The following PTPN13 variants were observed in gnomAD, a reference collection of about 807,000 sequenced individuals.
PTPN13 encodes protein tyrosine phosphatase non-receptor type 13.
A neutral mutation model predicts 284.0 loss-of-function variants in PTPN13; 191 were observed. The observed-to-expected ratio is 0.67, with a 90% confidence interval of 0.60 to 0.76. The LOEUF (loss-of-function observed/expected upper bound fraction) is 0.76, where lower values mean the gene tolerates loss of function less well. Among genes scored for constraint, PTPN13 ranks in the 30% least tolerant of loss-of-function variants. The probability of loss-of-function intolerance (pLI) is 0.00; values close to 1 mark genes in which losing one functional copy is unlikely to be tolerated. For synonymous variants in PTPN13, 986 were observed against 1,022.3 expected (o/e 0.96, Z 0.68); for missense variants, 2,797 against 2,939.9 (o/e 0.95, Z 1.12).
intron 42 of PTPN13, among the ~76,000 whole-genome samples, chr4:86,802,884 C>T (rs1346333422): frequency 6.6e-6 from 1 of 152,062 alleles, no homozygotes; most frequent in Non-Finnish European, 1.5e-5. Context: ...CCAGCCTGGG[C>T]AACATAGCAA....
Position 86,807,904 on chromosome 4 carries a change from G to A in PTPN13, c.7083+7G>A, listed in dbSNP as rs1421893733. ...GACCCTTGAAGATATTCAGGTAAGT[G>A]AATGAAATCTTTCCCTGTTGGAAGG... is the stretch of plus-strand genomic sequence containing the variant. On this transcript the variant is annotated splice_region_variant and intron_variant, in intron 45 of 47. Coordinates refer to ENST00000411767, the MANE Select transcript of PTPN13 (RefSeq NM_080683.3). 1 of 1,597,638 alleles carries A rather than the reference G, an allele frequency of 6.3e-7. No individual in the cohort carries two copies. The highest frequency in any genetic ancestry group is 2.2e-5 in the East Asian group (1 of 44,640).
intron 9 of PTPN13, among the ~76,000 whole-genome samples, chr4:86,719,320 TA>T (rs776749581): frequency 9.2e-5 from 14 of 152,264 alleles, no homozygotes; most frequent in Non-Finnish European, 1.8e-4. Flanking sequence ...CATTCTTTTT[TA>T]TGGCTGTATA....
intron 42 of PTPN13, among the ~76,000 whole-genome samples, chr4:86,803,098 G>GTGTGTGTC (rs1744219658): frequency 6.6e-6 from 1 of 151,014 alleles, no homozygotes; most frequent in Admixed American, 6.6e-5. Flanking sequence ...GTGTGTGTGT[G>GTGTGTGTC]TGTGTATAAA....
At chr4:86,790,563 T>C (rs867686561) in intron 40 of PTPN13, among the ~76,000 whole-genome samples, 5 of 152,232 alleles carry the variant, frequency 3.3e-5, no homozygotes, top group African/African-American at 1.2e-4. Context: ...ACAAAAAGAA[T>C]AACCAAGGAA....
chr4:86,736,994 T>C (rs1385583873), intron 15 of PTPN13, among the ~76,000 whole-genome samples: 4 of 152,220 alleles, frequency 2.6e-5, no homozygotes, highest in African/African-American at 9.6e-5. Context: ...TTTTGAAATA[T>C]CTTTCGTAAA....
Position 86,796,920 on chromosome 4 carries a change from A to G in PTPN13, c.6392A>G (p.Lys2131Arg), listed in dbSNP as rs2149353818. 6.7e-7 allele frequency: 1 copy of G among 1,483,116 alleles called. No individual in the cohort carries two copies. The highest frequency in any genetic ancestry group is 9.3e-7 in the Non-Finnish European group (1 of 1,075,976). The allele number at this position is 1,483,116 out of a possible 1,614,324, so 91.9% of individuals were successfully genotyped here. Reference protein sequence around the residue: ...GCEEYCEEKVKSESLIQKPQE... With the variant: ...GCEEYCEEKVRSESLIQKPQE... Reference sequence around the variant, plus strand: ...GAAGAATATTGTGAAGAAAAAGTAAAAAGTGAAAGGTGAGAAAATAATTTT... The same window carrying G: ...GAAGAATATTGTGAAGAAAAAGTAAGAAGTGAAAGGTGAGAAAATAATTTT... The change falls in exon 41 of 48, where the codon AAA becomes AGA. Residue 2131 changes from lysine to arginine, a missense_variant. Lys to Arg is a conservative substitution (Grantham distance 26). Coordinates refer to ENST00000411767, the MANE Select transcript of PTPN13 (RefSeq NM_080683.3).
In PTPN13 at chr4:86,803,752, C is replaced by G. The variant is rs377718538; in HGVS notation, c.6549C>G (p.Val2183=). Residue 2183 remains valine, a synonymous_variant, in exon 43 of 48, where the codon GTC becomes GTG. Coordinates refer to ENST00000411767, the MANE Select transcript of PTPN13 (RefSeq NM_080683.3). ...LTNDELAVLP[V]VKVLPSGKYT... ...ACGATGAGCTCGCTGTACTCCCTGT[C>G]GTCAAAGTGCTTCCCTCTGGTAAAT... 1 of 1,613,820 alleles carries G rather than the reference C, an allele frequency of 6.2e-7. No homozygotes were observed. The highest frequency in any genetic ancestry group is 8.5e-7 in the Non-Finnish European group (1 of 1,179,784).
chr4:86,754,182 T>G (rs1737721200), intron 20 of PTPN13, among the ~76,000 whole-genome samples: 1 of 152,076 alleles, frequency 6.6e-6, no homozygotes, highest in African/African-American at 2.4e-5. Context: ...GTTTCTTTCC[T>G]TCTCATTTTA....
At position 86,726,172 on chromosome 4, in the gene PTPN13, G is replaced by A. The variant is rs953481014; in HGVS notation, c.1608+3738G>A. The stretch of plus-strand genomic sequence containing the variant: ...CTGAGGCCTCTGTTCTGTTCCATTG[G>A]TCTATATCTCTGTTTTGGTACCAGT... On this transcript the variant is annotated intron_variant, in intron 10 of 47. Transcript: ENST00000411767. Among the ~76,000 whole-genome samples, 4 of 149,246 alleles carry A rather than the reference G, an allele frequency of 2.7e-5. 2 individuals carry two copies. The highest frequency in any genetic ancestry group is 6.0e-5 in the Non-Finnish European group (4 of 66,480).
intron 17 of PTPN13, among the ~76,000 whole-genome samples, chr4:86,748,980 T>C (rs1263589694): frequency 6.6e-6 from 1 of 152,106 alleles, no homozygotes; most frequent in Non-Finnish European, 1.5e-5. Context: ...TTAACAAAGG[T>C]GTATTTTTAA....
intron 16 of PTPN13, 100 bp downstream of exon 16, chr4:86,741,916 G>A: frequency 2.1e-6 from 2 of 955,228 alleles, no homozygotes; most frequent in Non-Finnish European, 3.1e-6. Flanking sequence ...CCATTCAGTG[G>A]GGATAATACA....
intron 37 of PTPN13, among the ~76,000 whole-genome samples, chr4:86,783,819 C>T (rs1357577160): frequency 6.6e-6 from 1 of 151,538 alleles, no homozygotes; most frequent in Non-Finnish European, 1.5e-5. Context: ...TTTTGATAGG[C>T]TATGCTCCAT....
chr4:86,708,852 C>T (rs1565378930), intron 7 of PTPN13, among the ~76,000 whole-genome samples: 1 of 151,952 alleles, frequency 6.6e-6, no homozygotes, highest in Non-Finnish European at 1.5e-5. Flanking sequence ...ACTTAAGGTT[C>T]CCCATGATTA....
At chr4:86,689,252 TTTTC>T (rs1477795636) in intron 5 of PTPN13, 62 bp downstream of exon 5, 1 of 1,450,986 alleles carries the variant, frequency 6.9e-7, no homozygotes, top group Non-Finnish European at 9.5e-7. Flanking sequence ...TATCACAAAA[TTTTC>T]TTTAAGGATA....
rs73835775 is a variant in PTPN13, at chr4:86,805,193, T to C, written c.6655-86T>C. 3.1e-4 allele frequency: 236 copies of C among 763,134 alleles called. 1 individual carries two copies. The African/African-American group carries it at 3.8e-3, about 12-fold the overall frequency. 47.3% of individuals were successfully genotyped at this position (763,134 alleles called of 1,614,324 possible). A position where few individuals can be genotyped will look rare whatever the true frequency, so the allele number is the denominator to read the frequency against. On this transcript the variant is annotated intron_variant, in intron 43 of 47. Transcript: ENST00000411767. ...CTCAGAATCAGCCTTAATCAACCAA[T>C]TTTGCCCCTACACATTTAAAGTATT...
chr4:86,621,142 T>C (rs552653024), intron 1 of PTPN13, among the ~76,000 whole-genome samples: 1 of 151,624 alleles, frequency 6.6e-6, no homozygotes, highest in African/African-American at 2.4e-5. Flanking sequence ...TGGGCTGGGG[T>C]ACACGTGGGG....
At chr4:86,697,081 A>G (rs1253848417) in intron 6 of PTPN13, among the ~76,000 whole-genome samples, 1 of 152,126 alleles carries the variant, frequency 6.6e-6, no homozygotes, top group Non-Finnish European at 1.5e-5. Flanking sequence ...GACTAATTTT[A>G]AAAGTTTAAG....
rs551050113 is a variant in PTPN13, at chr4:86,694,107, A to T, written c.634+433A>T. The stretch of plus-strand genomic sequence containing the variant: ...TTTTATCATATTTCTTTTTTTTTTT[A>T]AATGCTAGTAATAACTCACTAAATA... On this transcript the variant is annotated intron_variant, in intron 6 of 47. Transcript: ENST00000411767. Among the ~76,000 whole-genome samples the T allele has an allele frequency of 1.5e-3, 229 of 149,936 alleles. 1 individual carries two copies. Among genetic ancestry groups the T allele is most frequent in the African/African-American group, 4.9e-3 (200 of 40,736 alleles).
chr4:86,643,903 A>G (rs1724105363), intron 2 of PTPN13, among the ~76,000 whole-genome samples: 1 of 152,168 alleles, frequency 6.6e-6, no homozygotes. Flanking sequence ...GAAGTTTAAA[A>G]ATTGATAACA....
Sources: gnomAD v4.1 joint callset for allele counts (sites outside exome capture counted in the v4.1 genomes callset) on GRCh38, gnomAD v4.1.1 for gene constraint, MANE v1.5 for transcripts, NCBI Gene and HGNC (gene_info 2026-07-23, HGNC 2026-07-21) for gene names.